Variants in CRIM1 observed in about 807,000 individuals in gnomAD.
CRIM1 encodes the protein cysteine rich transmembrane BMP regulator 1, also known as cysteine-rich motor neuron 1 protein.
A neutral mutation model predicts 116.4 loss-of-function variants in CRIM1; 32 were observed. The ratio of observed to expected loss-of-function variants is 0.27; its 90% confidence interval spans 0.21 to 0.37. The LOEUF is 0.37. Ranked by LOEUF, CRIM1 falls within the 10% of genes least tolerant of loss-of-function variation. CRIM1 has a pLI of 1.00. For missense variants in CRIM1, 1,331 were observed against 1,354.8 expected, an observed-to-expected ratio of 0.98 and a Z score of 0.28; for synonymous variants, 590 against 509.2, an observed-to-expected ratio of 1.16 and a Z score of -2.13.
intron 1 of CRIM1, among the ~76,000 whole-genome samples, chr2:36,395,290 C>T (rs771657451): frequency 1.3e-5 from 2 of 152,106 alleles, no homozygotes; most frequent in Non-Finnish European, 2.9e-5. Context: ...GCATGAGCCA[C>T]CACTCCCAGC....
At chr2:36,434,787 A>G (rs1037000490) in intron 2 of CRIM1, among the ~76,000 whole-genome samples, 2 of 152,114 alleles carry the variant, frequency 1.3e-5, no homozygotes, top group Non-Finnish European at 2.9e-5. Flanking sequence ...AATAATCATG[A>G]AGTCTGTTTT....
intron 5 of CRIM1, among the ~76,000 whole-genome samples, chr2:36,474,103 G>A (rs1678765629): frequency 6.6e-6 from 1 of 152,054 alleles, no homozygotes; most frequent in Admixed American, 6.5e-5. Context: ...CTAATGATTC[G>A]AGCATCTTTT....
At chr2:36,533,866 C>T (rs184456343) in intron 13 of CRIM1, among the ~76,000 whole-genome samples, 272 of 151,768 alleles carry the variant, frequency 1.8e-3, no homozygotes, top group Non-Finnish European at 2.9e-3. Flanking sequence ...TTTAGGTCCA[C>T]GCTCAGTCTA....
chr2:36,363,534 C>CCG (rs1558500328), intron 1 of CRIM1, among the ~76,000 whole-genome samples: 1 of 140,252 alleles, frequency 7.1e-6, no homozygotes, highest in African/African-American at 2.5e-5. Flanking sequence ...TCGCCGCCCC[C>CCG]CCCCCCCATG....
intron 16 of CRIM1, 142 bp downstream of exon 16, chr2:36,547,313 G>T: frequency 3.0e-6 from 2 of 661,986 alleles, no homozygotes; most frequent in Non-Finnish European, 5.3e-6. Context: ...CCAGGCTATA[G>T]TATGAATCAA....
intron 1 of CRIM1, among the ~76,000 whole-genome samples, chr2:36,390,120 T>C (rs1390360737): frequency 6.6e-6 from 1 of 152,024 alleles, no homozygotes; most frequent in Non-Finnish European, 1.5e-5. Flanking sequence ...AAGATATTCT[T>C]AGAGGAGAAA....
chr2:36,393,116 A>G (rs1168544655), intron 1 of CRIM1, among the ~76,000 whole-genome samples: 2 of 152,174 alleles, frequency 1.3e-5, no homozygotes, highest in Admixed American at 1.3e-4. Flanking sequence ...GTGAAAACCA[A>G]TTAGCTGTGA....
intron 2 of CRIM1, among the ~76,000 whole-genome samples, chr2:36,429,644 A>G (rs1042619465): frequency 6.6e-6 from 1 of 152,228 alleles, no homozygotes; most frequent in Admixed American, 6.5e-5. Flanking sequence ...GGTGGAGCTT[A>G]CAAGAGACTG....
chr2:36,401,195 T>C (rs973023720), intron 2 of CRIM1, among the ~76,000 whole-genome samples: 14 of 152,336 alleles, frequency 9.2e-5, no homozygotes, highest in East Asian at 3.9e-4. Flanking sequence ...GTATTACTTA[T>C]GTTTGTTTAA....
chr2:36,476,227 G>A (rs1336601699), intron 5 of CRIM1, among the ~76,000 whole-genome samples: 1 of 152,114 alleles, frequency 6.6e-6, no homozygotes, highest in African/African-American at 2.4e-5. Context: ...TTCAGTTGAA[G>A]AGCTACTGTT....
chr2:36,487,059 T>G (rs895921680), intron 7 of CRIM1, among the ~76,000 whole-genome samples: 1 of 152,244 alleles, frequency 6.6e-6, no homozygotes, highest in Non-Finnish European at 1.5e-5. Flanking sequence ...TTTTAGCTTT[T>G]GTCTACCCAG....
At chr2:36,490,119 C>T (rs552334093) in intron 7 of CRIM1, among the ~76,000 whole-genome samples, 1 of 152,098 alleles carries the variant, frequency 6.6e-6, no homozygotes, top group Non-Finnish European at 1.5e-5. Context: ...AACCAATTGC[C>T]ATACTATTTA....
At chr2:36,399,835 G>C (rs1420374428) in intron 2 of CRIM1, among the ~76,000 whole-genome samples, 1 of 152,188 alleles carries the variant, frequency 6.6e-6, no homozygotes, top group Non-Finnish European at 1.5e-5. Flanking sequence ...TGGAAGAAAG[G>C]GTGTGGAAAA....
chr2:36,458,516 C>T (rs1248677157), intron 4 of CRIM1, among the ~76,000 whole-genome samples: 3 of 152,102 alleles, frequency 2.0e-5, no homozygotes, highest in East Asian at 1.9e-4. Flanking sequence ...CAGCATCTAG[C>T]ATGTTGTTTC....
chr2:36,483,787 ACCAG>A (rs1328909480), intron 7 of CRIM1, among the ~76,000 whole-genome samples: 1 of 152,194 alleles, frequency 6.6e-6, no homozygotes, highest in Middle Eastern at 3.2e-3. Flanking sequence ...GGAAGTCCCA[ACCAG>A]ACCCTTCATA....
intron 16 of CRIM1, among the ~76,000 whole-genome samples, chr2:36,547,673 G>C (rs1667448741): frequency 6.6e-6 from 1 of 152,146 alleles, no homozygotes; most frequent in African/African-American, 2.4e-5. Flanking sequence ...GGTCGCAAAA[G>C]ATGAAGAGGT....
chr2:36,392,434 T>C (rs1467436097), intron 1 of CRIM1, among the ~76,000 whole-genome samples: 2 of 151,058 alleles, frequency 1.3e-5, no homozygotes, highest in African/African-American at 4.9e-5. Context: ...TAAAAACCAG[T>C]ACCTCTGTTT....
chr2:36,414,528 G>A (rs775872319), intron 2 of CRIM1, among the ~76,000 whole-genome samples: 1 of 152,206 alleles, frequency 6.6e-6, no homozygotes, highest in Non-Finnish European at 1.5e-5. Context: ...GTCTTAAGTG[G>A]CAAAAATAAA....
intron 1 of CRIM1, among the ~76,000 whole-genome samples, chr2:36,381,005 G>A (rs540237787): frequency 1.3e-5 from 2 of 152,318 alleles, no homozygotes; most frequent in South Asian, 4.1e-4. Flanking sequence ...CCCCCCCGCT[G>A]CTCTCCCTGC....
Sources: allele counts gnomAD v4.1 joint callset (sites outside exome capture counted in the v4.1 genomes callset), GRCh38; gene constraint gnomAD v4.1.1; transcripts MANE v1.5; gene names NCBI Gene and HGNC (gene_info 2026-07-23, HGNC 2026-07-21).